The following NLGN1 variants were observed in gnomAD, a reference collection of about 807,000 sequenced individuals.
The protein encoded by NLGN1 is neuroligin 1, also known as neuroligin-1.
NLGN1 carries 12 observed loss-of-function variants against 65.5 expected under a neutral mutation model. The observed-to-expected ratio is 0.18, with a 90% CI of 0.12 to 0.30. NLGN1 has a LOEUF of 0.30. Ranked by LOEUF, NLGN1 falls within the 10% of genes least tolerant of loss-of-function variation. The pLI is 1.00. For missense variants in NLGN1, 750 were observed against 1,007.1 expected, an observed-to-expected ratio of 0.74 and a Z score of 3.46; for synonymous variants, 350 against 359.5, an observed-to-expected ratio of 0.97 and a Z score of 0.30.
chr3:173,584,584 G>C (rs1008675293), intron 2 of NLGN1: 2 of 151,836 alleles, frequency 1.3e-5, no homozygotes, highest in African/African-American at 4.8e-5. Context: ...ATTTCCAATC[G>C]AGATAAATCT....
At chr3:174,178,191 T>C (rs1322338184) in intron 4 of NLGN1, among the ~76,000 whole-genome samples, 5 of 152,134 alleles carry the variant, frequency 3.3e-5, no homozygotes, top group African/African-American at 1.2e-4. Flanking sequence ...AGAAGCTTTT[T>C]CTCTTGATTT....
chr3:173,709,440 T>C (rs903675731), intron 3 of NLGN1, among the ~76,000 whole-genome samples: 6 of 152,136 alleles, frequency 3.9e-5, no homozygotes, highest in African/African-American at 1.4e-4. Context: ...ACCAGAATAT[T>C]TGTTGATCAA....
intron 3 of NLGN1, among the ~76,000 whole-genome samples, chr3:173,642,651 TG>T (rs1234455447): frequency 1.3e-5 from 2 of 152,208 alleles, no homozygotes; most frequent in Admixed American, 1.3e-4. Flanking sequence ...AGTGCTGCCC[TG>T]TACCTACTTA....
intron 1 of NLGN1, among the ~76,000 whole-genome samples, chr3:173,418,452 TC>T (rs1409941744): frequency 2.0e-5 from 3 of 152,112 alleles, no homozygotes; most frequent in Non-Finnish European, 4.4e-5. Flanking sequence ...TCCATAAAGG[TC>T]ATAGCCCAGT....
intron 2 of NLGN1, among the ~76,000 whole-genome samples, chr3:173,557,317 A>G (rs1293246246): frequency 2.0e-5 from 3 of 151,906 alleles, no homozygotes; most frequent in African/African-American, 7.3e-5. Flanking sequence ...CTGTGTTTCT[A>G]TTTATTTTTA....
chr3:173,421,569 A>G (rs1053124426), intron 1 of NLGN1, among the ~76,000 whole-genome samples: 70 of 151,856 alleles, frequency 4.6e-4, no homozygotes, highest in African/African-American at 1.6e-3. Context: ...CAGTGGTGCA[A>G]TCTCAGCTCT....
At chr3:174,043,626 G>A (rs1055711122) in intron 4 of NLGN1, among the ~76,000 whole-genome samples, 3 of 152,246 alleles carry the variant, frequency 2.0e-5, no homozygotes, top group Admixed American at 6.5e-5. Context: ...GATGCAAGAG[G>A]TGGGCTCCCA....
intron 3 of NLGN1, among the ~76,000 whole-genome samples, chr3:173,690,289 A>G (rs1363178700): frequency 6.6e-6 from 1 of 152,216 alleles, no homozygotes; most frequent in East Asian, 1.9e-4. Flanking sequence ...CATGACTTAC[A>G]TATTCTATAC....
chr3:174,180,103 T>A (rs1171905910), intron 4 of NLGN1, among the ~76,000 whole-genome samples: 1 of 152,136 alleles, frequency 6.6e-6, no homozygotes, highest in Admixed American at 6.6e-5. Context: ...AACAGTCCCT[T>A]CCTTCAACTT....
chr3:174,156,772 C>CA (rs1725526428), intron 4 of NLGN1, among the ~76,000 whole-genome samples: 1 of 151,416 alleles, frequency 6.6e-6, no homozygotes, highest in Admixed American at 6.6e-5. Flanking sequence ...TGATTAATGT[C>CA]AAAATGTAAA....
intron 4 of NLGN1, among the ~76,000 whole-genome samples, chr3:174,052,967 A>G (rs1456116082): frequency 6.6e-6 from 1 of 152,030 alleles, no homozygotes; most frequent in African/African-American, 2.4e-5. Flanking sequence ...ACAACTAGCT[A>G]ATTGCTACCT....
At chr3:173,720,236 C>T (rs1770598276) in intron 3 of NLGN1, among the ~76,000 whole-genome samples, 2 of 152,190 alleles carry the variant, frequency 1.3e-5, no homozygotes, top group Non-Finnish European at 2.9e-5. Context: ...AAAATAAACA[C>T]TCTTGAGAGA....
At chr3:173,935,541 G>A (rs1309080217) in intron 4 of NLGN1, among the ~76,000 whole-genome samples, 1 of 150,942 alleles carries the variant, frequency 6.6e-6, no homozygotes, top group East Asian at 2.0e-4. Flanking sequence ...CCAACTTCTA[G>A]AATCTTGAAG....
At chr3:173,877,241 A>G (rs1732306705) in intron 4 of NLGN1, among the ~76,000 whole-genome samples, 1 of 152,196 alleles carries the variant, frequency 6.6e-6, no homozygotes, top group Non-Finnish European at 1.5e-5. Flanking sequence ...TGATACACAG[A>G]AAAGGGCACA....
At position 174,208,635 on chromosome 3, in the gene NLGN1, C is replaced by T. The variant is rs181077885; in HGVS notation, c.647-66680C>T. ...CTTATATGTTGCCTTCAAAGAGGTA[C>T]AACTATTGCAAGATAGCGCCATTAT... On this transcript the variant is annotated intron_variant, in intron 4 of 6. Transcript: ENST00000457714. 2.1e-4 allele frequency among the ~76,000 whole-genome samples: 28 copies of T among 134,862 alleles called. No individual in the cohort carries two copies. In the East Asian group the frequency reaches 3.2e-3, roughly 15 times the overall value. The allele number at this position is 134,862 out of a possible 152,430, so 88.5% of individuals were successfully genotyped here.
intron 2 of NLGN1, among the ~76,000 whole-genome samples, chr3:173,451,206 C>G (rs569780395): frequency 1.3e-5 from 2 of 152,250 alleles, no homozygotes; most frequent in Non-Finnish European, 2.9e-5. Context: ...TACCTTTGGT[C>G]TTTGATGATC....
intron 1 of NLGN1, among the ~76,000 whole-genome samples, chr3:173,413,915 GT>G (rs1359552506): frequency 6.6e-6 from 1 of 152,198 alleles, no homozygotes; most frequent in Non-Finnish European, 1.5e-5. Context: ...CAGGTGACTA[GT>G]GAAGGTAGAA....
At chr3:173,698,754 T>A (rs1436913672) in intron 3 of NLGN1, among the ~76,000 whole-genome samples, 9 of 152,358 alleles carry the variant, frequency 5.9e-5, no homozygotes, top group African/African-American at 1.9e-4. Flanking sequence ...TTATTTTGTT[T>A]TCTTTTGACA....
At chr3:173,651,844 G>T (rs1181390759) in intron 3 of NLGN1, among the ~76,000 whole-genome samples, 1 of 152,070 alleles carries the variant, frequency 6.6e-6, no homozygotes. Context: ...CCAGGCTGGA[G>T]TGCAGTGGCG....
Sources: gnomAD v4.1 joint callset for allele counts (sites outside exome capture counted in the v4.1 genomes callset) on GRCh38, gnomAD v4.1.1 for gene constraint, MANE v1.5 for transcripts, NCBI Gene and HGNC (gene_info 2026-07-23, HGNC 2026-07-21) for gene names.